The following NHSL1 variants were observed in gnomAD, a reference collection of about 807,000 sequenced individuals.
NHSL1 encodes the protein NHS like 1.
In NHSL1, 48 loss-of-function variants were observed where a neutral mutation model predicts 95.0. That is an observed-to-expected ratio of 0.51 (90% confidence interval 0.40 to 0.64). NHSL1 has a LOEUF of 0.64. Among genes scored for constraint, NHSL1 ranks in the 30% least tolerant of loss-of-function variants. The pLI is 0.00. For synonymous variants in NHSL1, 783 were observed against 833.9 expected, an observed-to-expected ratio of 0.94 and a Z score of 1.05; for missense variants, 1,971 against 2,077.7, an observed-to-expected ratio of 0.95 and a Z score of 1.00.
intron 1 of NHSL1, among the ~76,000 whole-genome samples, chr6:138,612,109 CAAA>C (rs368848438): frequency 1.4e-4 from 10 of 73,484 alleles, no homozygotes; most frequent in African/African-American, 4.4e-4. Context: ...GACTCCATCT[CAAA>C]AAAAAAAAAA....
intron 1 of NHSL1, among the ~76,000 whole-genome samples, chr6:138,600,518 A>G (rs1356860357): frequency 6.6e-6 from 1 of 152,260 alleles, no homozygotes; most frequent in Admixed American, 6.5e-5. Context: ...AAATGCTTTT[A>G]AACTTTTATT....
chr6:138,445,706 C>T (rs1398218945), intron 4 of NHSL1, among the ~76,000 whole-genome samples: 1 of 152,162 alleles, frequency 6.6e-6, no homozygotes, highest in Non-Finnish European at 1.5e-5. Context: ...TCACCAGTGC[C>T]ATGGCAAAAA....
rs903382925 is a variant in NHSL1 at position 138,424,380 on chromosome 6, T to C, written c.4522A>G (p.Ser1508Gly). The C allele has an allele frequency of 4.5e-6, 7 of 1,549,692 alleles. No individual in the cohort carries two copies. Among genetic ancestry groups the C allele is most frequent in the Non-Finnish European group, 6.1e-6 (7 of 1,145,988 alleles). Residue 1508 changes from serine to glycine, a missense_variant, in exon 8 of 8, where the codon AGC (serine) becomes GGC (glycine). Ser to Gly is a moderately conservative substitution (Grantham distance 56). This residue lies in a region of NHSL1 where 223 missense variants were observed against 217.0 expected (regional missense o/e 1.03). Coordinates refer to ENST00000343505, the MANE Select transcript of NHSL1 (RefSeq NM_001144060.2). This position sits in a 1 kb window ranked among gnomAD's most constrained non-coding sequence, Gnocchi z 5.9. The stretch of plus-strand genomic sequence containing the variant: ...CGGTTCCGCATGCTGTACCTGCTGC[T>C]GGCGGCAGAAGGCGGCGTTCGGCTG... ...GRSRTPPSAA[S>G]SRYSMRNRIQ...
rs1778867280 is a variant in NHSL1 at position 138,473,324 on chromosome 6, A to G, written c.321T>C (p.Asp107=). 2 of 1,545,618 alleles carry G rather than the reference A, an allele frequency of 1.3e-6. No individual in the cohort carries two copies. Among genetic ancestry groups the G allele is most frequent in the African/African-American group, 1.4e-5 (1 of 72,812 alleles). ...AGCTTACCTTTTGATCTGTTTCTTC[A>G]TCTTCATCTTGGTAATCATCACAGA... ...SPFCDDYQDE[D]EETDQKCSLS... is the part of the protein sequence containing the mutation. Residue 107 remains aspartate, a synonymous_variant, in exon 3 of 8, where the codon GAT becomes GAC. Transcript: ENST00000343505.
At chr6:138,551,748 A>G (rs2128333538) in intron 1 of NHSL1, among the ~76,000 whole-genome samples, 1 of 152,256 alleles carries the variant, frequency 6.6e-6, no homozygotes, top group South Asian at 2.1e-4. Flanking sequence ...CTGATTTAAA[A>G]CCAGTCTCCA....
chr6:138,562,876 A>G (rs763470593), intron 1 of NHSL1, among the ~76,000 whole-genome samples: 4 of 152,174 alleles, frequency 2.6e-5, no homozygotes, highest in Non-Finnish European at 5.9e-5. Context: ...AGTATTCACA[A>G]TAGATATTTA....
At chr6:138,609,749 C>CAAAAAAAAAAAAAAAAAAA (rs10687521) in intron 1 of NHSL1, among the ~76,000 whole-genome samples, 1 of 106,248 alleles carries the variant, frequency 9.4e-6, no homozygotes, top group African/African-American at 3.5e-5. Context: ...GACTCTGTCT[C>CAAAAAAAAAAAAAAAAAAA]AAAAAAAAAA....
chr6:138,541,168 A>G (rs547559096), intron 1 of NHSL1, among the ~76,000 whole-genome samples: 1 of 152,294 alleles, frequency 6.6e-6, no homozygotes, highest in South Asian at 2.1e-4. Flanking sequence ...GGAGGTCGAG[A>G]TCAGCCTGGC....
At chr6:138,503,799 G>GT (rs558447606), upstream of NHSL1, among the ~76,000 whole-genome samples, 3 of 152,006 alleles carry the variant, frequency 2.0e-5, no homozygotes, top group Non-Finnish European at 4.4e-5. Flanking sequence ...ATTATCTCAA[G>GT]TTCAACATAT....
At chr6:138,454,859 G>A (rs1483949273) in intron 3 of NHSL1, among the ~76,000 whole-genome samples, 1 of 152,188 alleles carries the variant, frequency 6.6e-6, no homozygotes, top group Non-Finnish European at 1.5e-5. Context: ...ATACAGCACT[G>A]AGCACAGTCC....
chr6:138,431,637 G>T lies in NHSL1; in HGVS notation c.2708C>A (p.Thr903Asn), dbSNP rs1189522727. Reference sequence around the variant, plus strand: ...AGTAGAAGTACTAGAAGAAAGAGAAGTGGACGATGAGGAAATGGATACTGA... The same window carrying T: ...AGTAGAAGTACTAGAAGAAAGAGAATTGGACGATGAGGAAATGGATACTGA... ...ISSVSISSSS[T>N]SLSSSTSTEG... The change falls in exon 6 of 8, where the codon ACT becomes AAT. Residue 903 changes from threonine (T) to asparagine (N), a missense_variant. Transcript: ENST00000343505. The surrounding 1 kb of genome is among the most constrained non-coding windows in gnomAD (Gnocchi z 4.0). 1.3e-6 allele frequency: 2 copies of T among 1,551,660 alleles called. No homozygotes were observed. Among genetic ancestry groups the T allele is most frequent in the Admixed American group, 3.9e-5 (2 of 51,014 alleles).
At chr6:138,670,680 A>AAAAAAAAAAAC (rs1562408417) in intron 1 of NHSL1, among the ~76,000 whole-genome samples, 8 of 151,092 alleles carry the variant, frequency 5.3e-5, no homozygotes, top group African/African-American at 2.0e-4. Flanking sequence ...AAAAAAAAAA[A>AAAAAAAAAAAC]AAAAAACTTT....
chr6:138,618,016 C>A (rs1784604296), intron 1 of NHSL1, among the ~76,000 whole-genome samples: 1 of 152,192 alleles, frequency 6.6e-6, no homozygotes, highest in South Asian at 2.1e-4. Flanking sequence ...AAATAGAAAA[C>A]CTCTGTTAGC....
intron 3 of NHSL1, chr6:138,464,392 A>C (rs1778209785): frequency 2.3e-6 from 1 of 434,122 alleles, no homozygotes; most frequent in African/African-American, 2.0e-5. Context: ...GGCACTTCTG[A>C]AGACAGGTCA....
At chr6:138,613,156 C>T (rs1326628477) in intron 1 of NHSL1, among the ~76,000 whole-genome samples, 3 of 152,204 alleles carry the variant, frequency 2.0e-5, no homozygotes, top group Non-Finnish European at 2.9e-5. Context: ...TGGTATTATG[C>T]TTTTAACTAA....
chr6:138,465,742 G>C (rs76362666), intron 3 of NHSL1, among the ~76,000 whole-genome samples: 1 of 48,512 alleles, frequency 2.1e-5, no homozygotes, highest in Non-Finnish European at 4.3e-5. Context: ...TTTTTTTTTT[G>C]AGACAGAGTC....
chr6:138,502,092 G>A (rs1242200130), upstream of NHSL1, among the ~76,000 whole-genome samples: 1 of 152,024 alleles, frequency 6.6e-6, no homozygotes, highest in East Asian at 1.9e-4. Context: ...GAGAATGCAG[G>A]CTTCCATCCC....
chr6:138,581,902 T>C (rs2114491256), intron 1 of NHSL1, among the ~76,000 whole-genome samples: 1 of 148,316 alleles, frequency 6.7e-6, no homozygotes, highest in South Asian at 2.1e-4. Context: ...TCTTTCTTTT[T>C]TTTTTTTTTT....
chr6:138,437,385 T>TATATACACACATATAC (rs1562270541), intron 5 of NHSL1, among the ~76,000 whole-genome samples: 3 of 84,870 alleles, frequency 3.5e-5, no homozygotes, highest in African/African-American at 1.8e-4. Context: ...CATATATATA[T>TATATACACACATATAC]ACACATATAT....
Sources: gnomAD v4.1 joint callset for allele counts (sites outside exome capture counted in the v4.1 genomes callset) on GRCh38, gnomAD v4.1.1 for gene constraint, gnomAD v4.1.1 regional missense constraint, Gnocchi (gnomAD v3.1) non-coding constraint, MANE v1.5 for transcripts, NCBI Gene and HGNC (gene_info 2026-07-23, HGNC 2026-07-21) for gene names.